The following RSRC1 variants were observed in gnomAD, a reference collection of about 807,000 sequenced individuals.
RSRC1 encodes the protein arginine and serine rich coiled-coil 1.
A neutral mutation model predicts 49.1 loss-of-function variants in RSRC1; 39 were observed. The observed-to-expected ratio is 0.79, with a 90% CI of 0.61 to 1.04. The LOEUF (loss-of-function observed/expected upper bound fraction) is 1.04. Ranked by LOEUF, RSRC1 falls within the 50% of genes least tolerant of loss-of-function variation. The pLI is 0.00. For synonymous variants in RSRC1, 143 were observed against 130.8 expected, an observed-to-expected ratio of 1.09 and a Z score of -0.63; for missense variants, 388 against 402.4, an observed-to-expected ratio of 0.96 and a Z score of 0.31.
chr3:158,507,297 T>C (rs1739904084), intron 7 of RSRC1, among the ~76,000 whole-genome samples: 1 of 151,944 alleles, frequency 6.6e-6, no homozygotes, highest in Non-Finnish European at 1.5e-5. Flanking sequence ...ATGGAAGAAA[T>C]AAGTTTTAGT....
chr3:158,497,728 C>T (rs1197397132), intron 7 of RSRC1, among the ~76,000 whole-genome samples: 1 of 152,168 alleles, frequency 6.6e-6, no homozygotes, highest in East Asian at 1.9e-4. Context: ...AGCCACCACG[C>T]CCAGCCCATT....
chr3:158,433,279 T>C (rs1560040822), intron 6 of RSRC1, among the ~76,000 whole-genome samples: 2 of 152,010 alleles, frequency 1.3e-5, no homozygotes, highest in Non-Finnish European at 2.9e-5. Context: ...TTTTGTGAAA[T>C]TAATTTCAGC....
chr3:158,316,719 C>T (rs1398579436), intron 5 of RSRC1, among the ~76,000 whole-genome samples: 1 of 152,110 alleles, frequency 6.6e-6, no homozygotes, highest in African/African-American at 2.4e-5. Flanking sequence ...GCTGGGATTA[C>T]AGGCGTGAGC....
chr3:158,207,000 T>C (rs1048323966), intron 4 of RSRC1, among the ~76,000 whole-genome samples: 1 of 152,198 alleles, frequency 6.6e-6, no homozygotes, highest in Non-Finnish European at 1.5e-5. Context: ...TATTATCTCA[T>C]TTAATAACCT....
chr3:158,326,417 T>A (rs1190181120), intron 5 of RSRC1, among the ~76,000 whole-genome samples: 1 of 152,236 alleles, frequency 6.6e-6, no homozygotes, highest in Non-Finnish European at 1.5e-5. Flanking sequence ...AATACCTGAC[T>A]TATTGAGAGT....
At chr3:158,300,559 C>T (rs1727486559) in intron 5 of RSRC1, among the ~76,000 whole-genome samples, 1 of 152,148 alleles carries the variant, frequency 6.6e-6, no homozygotes, top group Non-Finnish European at 1.5e-5. Flanking sequence ...CCTTTCACTG[C>T]TGAGCATATT....
intron 7 of RSRC1, among the ~76,000 whole-genome samples, chr3:158,521,792 G>T (rs1711691451): frequency 6.6e-6 from 1 of 152,036 alleles, no homozygotes; most frequent in African/African-American, 2.4e-5. Flanking sequence ...TCCTATAGCT[G>T]ATTTCCTTCA....
intron 7 of RSRC1, among the ~76,000 whole-genome samples, chr3:158,483,417 A>G (rs1211498043): frequency 2.0e-5 from 3 of 152,100 alleles, no homozygotes; most frequent in Non-Finnish European, 2.9e-5. Context: ...CCCATTGAAT[A>G]TGGTAAAAAT....
At chr3:158,418,390 A>G (rs1734861941) in intron 6 of RSRC1, among the ~76,000 whole-genome samples, 1 of 152,044 alleles carries the variant, frequency 6.6e-6, no homozygotes, top group African/African-American at 2.4e-5. Context: ...TGTTTTTACA[A>G]TAATACTTAT....
At chr3:158,481,593 T>G (rs2108436470) in intron 7 of RSRC1, among the ~76,000 whole-genome samples, 1 of 152,160 alleles carries the variant, frequency 6.6e-6, no homozygotes, top group Middle Eastern at 3.4e-3. Flanking sequence ...ATCAGCTGAA[T>G]TAAGTTACTA....
intron 5 of RSRC1, among the ~76,000 whole-genome samples, chr3:158,340,212 CAG>C (rs1730150744): frequency 6.6e-6 from 1 of 152,098 alleles, no homozygotes; most frequent in Non-Finnish European, 1.5e-5. Flanking sequence ...ATGACTTTAT[CAG>C]GGGTTTCTGC....
intron 4 of RSRC1, among the ~76,000 whole-genome samples, chr3:158,250,550 T>A (rs1724150407): frequency 6.6e-6 from 1 of 152,180 alleles, no homozygotes; most frequent in Non-Finnish European, 1.5e-5. Flanking sequence ...TTGGATTTGC[T>A]TCTCTCTGAT....
chr3:158,424,865 G>T (rs1418090595), intron 6 of RSRC1, among the ~76,000 whole-genome samples: 1 of 151,882 alleles, frequency 6.6e-6, no homozygotes, highest in South Asian at 2.1e-4. Context: ...GTTTATTTGC[G>T]TAGACGTGTT....
At chr3:158,242,078 G>A (rs895080455) in intron 4 of RSRC1, among the ~76,000 whole-genome samples, 31 of 124,474 alleles carry the variant, frequency 2.5e-4, no homozygotes, top group Middle Eastern at 5.8e-3. Context: ...GTACATATGC[G>A]GAATGTGCAG....
intron 6 of RSRC1, among the ~76,000 whole-genome samples, chr3:158,457,630 G>A (rs1262186706): frequency 6.6e-6 from 1 of 152,026 alleles, no homozygotes; most frequent in Non-Finnish European, 1.5e-5. Flanking sequence ...AGAAACAGCA[G>A]CCCAAAAAGG....
At chr3:158,512,583 G>T (rs1740252134) in intron 7 of RSRC1, among the ~76,000 whole-genome samples, 1 of 152,128 alleles carries the variant, frequency 6.6e-6, no homozygotes, top group African/African-American at 2.4e-5. Context: ...GCTTAGGATT[G>T]ACTTGGCGAT....
intron 7 of RSRC1, among the ~76,000 whole-genome samples, chr3:158,487,953 A>AAAAAAAAC (rs1738891951): frequency 7.2e-6 from 1 of 138,068 alleles, no homozygotes; most frequent in Non-Finnish European, 1.5e-5. Flanking sequence ...TCTCAAGAAA[A>AAAAAAAAC]AAAAAAAAAA....
At chr3:158,294,392 T>C (rs1326913218) in intron 4 of RSRC1, among the ~76,000 whole-genome samples, 1 of 152,188 alleles carries the variant, frequency 6.6e-6, no homozygotes. Flanking sequence ...TTCATACTTA[T>C]ATTTCTAAAA....
chr3:158,333,928 T>G (rs1166359483), intron 5 of RSRC1, among the ~76,000 whole-genome samples: 1 of 152,162 alleles, frequency 6.6e-6, no homozygotes. Context: ...AATGGGTGTC[T>G]TACAAATAAC....
Sources: gnomAD v4.1 joint callset for allele counts (sites outside exome capture counted in the v4.1 genomes callset) on GRCh38, gnomAD v4.1.1 for gene constraint, MANE v1.5 for transcripts, NCBI Gene and HGNC (gene_info 2026-07-23, HGNC 2026-07-21) for gene names.